The following SYT14 variants were observed in gnomAD, a reference collection of about 807,000 sequenced individuals.
The protein encoded by SYT14 is synaptotagmin 14, also known as synaptotagmin-14.
SYT14 carries 32 observed loss-of-function variants against 74.2 expected under a neutral mutation model. That is an observed-to-expected ratio of 0.43 (90% CI 0.33 to 0.58). SYT14 has a LOEUF of 0.58. Ranked by LOEUF, SYT14 falls within the 20% of genes least tolerant of loss-of-function variation. The pLI is 0.05. For synonymous variants in SYT14, 298 were observed against 337.7 expected, an observed-to-expected ratio of 0.88 and a Z score of 1.29; for missense variants, 791 against 981.8, an observed-to-expected ratio of 0.81 and a Z score of 2.60.
intron 2 of SYT14, among the ~76,000 whole-genome samples, chr1:209,986,915 C>A (rs1255704462): frequency 6.6e-6 from 1 of 152,152 alleles, no homozygotes; most frequent in African/African-American, 2.4e-5. Context: ...AGCCACCATA[C>A]CCGACCCAAT....
At chr1:209,953,023 G>C in intron 2 of SYT14, 1 of 1,414,594 alleles carries the variant, frequency 7.1e-7, no homozygotes, top group Non-Finnish European at 9.3e-7. Context: ...AAGAGGCAAA[G>C]AATGGAGGGT....
At chr1:210,002,329 T>G (rs960460993) in intron 2 of SYT14, among the ~76,000 whole-genome samples, 6 of 152,016 alleles carry the variant, frequency 3.9e-5, no homozygotes, top group Non-Finnish European at 8.8e-5. Context: ...TCTTTAAGTT[T>G]TACCACCTAA....
In SYT14 at chr1:210,094,507, A is replaced by G. The variant is rs999143142; in HGVS notation, c.1498A>G (p.Ser500Gly). The G allele has an allele frequency of 3.1e-6, 5 of 1,613,848 alleles. No individual in the cohort carries two copies. The African/African-American group carries it at 6.7e-5, about 22-fold the overall frequency. The stretch of plus-strand genomic sequence containing the variant: ...ATATAACAAGTGCCCAAGTGAAGGA[A>G]GCACAGGTCATGAAATAGAAAGTTT... The change falls in exon 6 of 10, where the codon AGC becomes GGC. Residue 500 changes from serine to glycine, a missense_variant. By Grantham distance (56) the Ser-to-Gly change is moderately conservative. Coordinates refer to ENST00000637265, the Ensembl canonical transcript of SYT14.
At chr1:210,159,259 C>T (rs1351309767) in intron 8 of SYT14, 162 bp from the exon 8 acceptor site, 13 of 720,694 alleles carry the variant, frequency 1.8e-5, no homozygotes, top group Non-Finnish European at 2.9e-5. Context: ...ACCCAACATC[C>T]TTTTTGTTCA....
In SYT14 at chr1:210,099,863, T is replaced by C. The variant is rs557461698; in HGVS notation, c.1585-149T>C. On this transcript the variant is annotated intron_variant, in intron 6 of 9. Coordinates refer to ENST00000637265, the Ensembl canonical transcript of SYT14. ...TAATCTCGCTCTATAGGGTAGCTTT[T>C]GGTTGTAGTTGACTGTTAATTATTA... 11 of 755,572 alleles carry C rather than the reference T, an allele frequency of 1.5e-5. 1 individual carries two copies. In the South Asian group the frequency reaches 2.0e-4, roughly 14 times the overall value. 46.8% of individuals were successfully genotyped at this position (755,572 alleles called of 1,614,324 possible).
At chr1:209,972,576 T>A (rs1031576291) in intron 2 of SYT14, among the ~76,000 whole-genome samples, 7 of 152,184 alleles carry the variant, frequency 4.6e-5, no homozygotes, top group Non-Finnish European at 8.8e-5. Context: ...AAAGATTTTT[T>A]AAATTTCTGC....
chr1:209,967,072 A>G, intron 2 of SYT14, among the ~76,000 whole-genome samples: 1 of 152,176 alleles, frequency 6.6e-6, no homozygotes, highest in East Asian at 1.9e-4. Flanking sequence ...CTTTTTCTGT[A>G]TCTACTGATA....
intron 2 of SYT14, among the ~76,000 whole-genome samples, chr1:210,000,251 T>TA (rs1264937405): frequency 6.6e-6 from 1 of 152,182 alleles, no homozygotes; most frequent in Non-Finnish European, 1.5e-5. Flanking sequence ...CTCTGCCACT[T>TA]ACGGCTTTGT....
intron 5 of SYT14, among the ~76,000 whole-genome samples, chr1:210,059,290 ATTCCTGGGAAT>A (rs1288389756): frequency 2.0e-5 from 3 of 151,828 alleles, no homozygotes; most frequent in Non-Finnish European, 2.9e-5. Context: ...CATGCAAAAA[ATTCCTGGGAAT>A]TTCCCATGCT....
intron 2 of SYT14, among the ~76,000 whole-genome samples, chr1:209,984,564 C>T (rs1352604340): frequency 6.6e-6 from 1 of 151,990 alleles, no homozygotes; most frequent in Admixed American, 6.6e-5. Flanking sequence ...TGTTGTATAT[C>T]TGGGTTTCCA....
intron 5 of SYT14, among the ~76,000 whole-genome samples, chr1:210,069,227 A>G (rs1269323891): frequency 6.6e-6 from 1 of 151,930 alleles, no homozygotes; most frequent in African/African-American, 2.4e-5. Context: ...TATCTATTGT[A>G]TCCAACAAAA....
rs186911140 is a variant in SYT14 at position 210,092,640 on chromosome 1, A to G, written c.1313-1682A>G. Among the ~76,000 whole-genome samples the G allele has an allele frequency of 2.0e-5, 3 of 152,314 alleles. No individual in the cohort carries two copies. In the East Asian group the frequency reaches 5.8e-4, roughly 29 times the overall value. On this transcript the variant is annotated intron_variant, in intron 5 of 9. Coordinates refer to ENST00000637265, the Ensembl canonical transcript of SYT14. ...GTGGGTTTTTTGGCTATGACTTGCA[A>G]CATGTCTAATCTGTCTTCTTGAATT...
chr1:210,161,257 C>T (rs1258660954), exon 10 of SYT14: 3 of 663,122 alleles, frequency 4.5e-6, no homozygotes, highest in East Asian at 5.9e-5. Flanking sequence ...AACTGAGAAA[C>T]GTACACTATC....
intron 5 of SYT14, among the ~76,000 whole-genome samples, chr1:210,028,473 C>T (rs2080460895): frequency 1.3e-5 from 2 of 151,984 alleles, no homozygotes; most frequent in Non-Finnish European, 2.9e-5. Context: ...TACTTTTTGC[C>T]CCTGTGATTT....
intron 2 of SYT14, among the ~76,000 whole-genome samples, chr1:209,979,454 A>G (rs535010663): frequency 3.3e-4 from 50 of 151,558 alleles, no homozygotes; most frequent in African/African-American, 1.2e-3. Context: ...TTTTTTCCCA[A>G]CTTTTAAGTT....
Position 210,121,565 on chromosome 1 carries a change from T to C in SYT14, c.2034+21104T>C, listed in dbSNP as rs373777536. Reference sequence around the variant, plus strand: ...ATCCCAGCACTTTGGGAGGCCAAGGTGGGCGGATCACAAGGTCAGGAGATT... The same window carrying C: ...ATCCCAGCACTTTGGGAGGCCAAGGCGGGCGGATCACAAGGTCAGGAGATT... On this transcript the variant is annotated intron_variant, in intron 7 of 9. Coordinates refer to ENST00000637265, the Ensembl canonical transcript of SYT14. 1.1e-3 allele frequency among the ~76,000 whole-genome samples: 166 copies of C among 152,148 alleles called. 1 individual carries two copies. The highest frequency in any genetic ancestry group is 3.4e-3 in the African/African-American group (140 of 41,512).
chr1:210,071,406 A>G (rs1023656289), intron 5 of SYT14, among the ~76,000 whole-genome samples: 2 of 151,938 alleles, frequency 1.3e-5, no homozygotes, highest in South Asian at 4.1e-4. Flanking sequence ...AAATAACTAA[A>G]CATTCACTAA....
chr1:209,975,505 G>T (rs1204659452), intron 2 of SYT14, among the ~76,000 whole-genome samples: 1 of 152,112 alleles, frequency 6.6e-6, no homozygotes, highest in African/African-American at 2.4e-5. Context: ...GCTGGATTAC[G>T]TTTATTGATT....
At chr1:210,098,841 C>T (rs535714839) in intron 6 of SYT14, among the ~76,000 whole-genome samples, 19 of 152,042 alleles carry the variant, frequency 1.2e-4, no homozygotes, top group Admixed American at 7.9e-4. Context: ...CCACCCATGC[C>T]CAGTTAATTT....
Sources: allele counts gnomAD v4.1 joint callset (sites outside exome capture counted in the v4.1 genomes callset), GRCh38; gene constraint gnomAD v4.1.1; transcripts MANE v1.5; gene names NCBI Gene and HGNC (gene_info 2026-07-23, HGNC 2026-07-21).